The following RSRC1 variants were observed in gnomAD, a reference collection of about 807,000 sequenced individuals.
RSRC1 encodes the protein arginine and serine rich coiled-coil 1, also known as serine/Arginine-related protein 53.
Under a neutral mutation model 49.1 loss-of-function variants are expected in RSRC1, and 39 were observed. The observed-to-expected ratio is 0.79, with a 90% CI of 0.61 to 1.04. The LOEUF (loss-of-function observed/expected upper bound fraction) is 1.04, where lower values mean the gene tolerates loss of function less well. RSRC1 is among the 50% of genes least tolerant of loss of function. The pLI is 0.00. For synonymous variants in RSRC1, 143 were observed against 130.8 expected (o/e 1.09, Z -0.63); for missense variants, 388 against 402.4 (o/e 0.96, Z 0.31).
intron 4 of RSRC1, among the ~76,000 whole-genome samples, chr3:158,218,954 G>A (rs1421245411): frequency 6.6e-6 from 1 of 151,662 alleles, no homozygotes; most frequent in African/African-American, 2.4e-5. Flanking sequence ...TTGGAAGCCA[G>A]ACACACAAAT....
chr3:158,287,600 A>G (rs527306129), intron 4 of RSRC1, among the ~76,000 whole-genome samples: 1 of 152,178 alleles, frequency 6.6e-6, no homozygotes, highest in Admixed American at 6.5e-5. Flanking sequence ...GTTCATCTGT[A>G]TGCAGGATAG....
intron 5 of RSRC1, among the ~76,000 whole-genome samples, chr3:158,313,116 C>T (rs951983647): frequency 2.0e-5 from 3 of 152,072 alleles, no homozygotes; most frequent in Non-Finnish European, 4.4e-5. Flanking sequence ...CCCCTCACCC[C>T]TTGGTTACTA....
rs75358658 is a variant in RSRC1, at chr3:158,111,926, A to G, written c.-3+1703A>G. Reference sequence around the variant, plus strand: ...GAGTTCTCTTTTCTTGAATGACCACATGTTGGCTTTACCTCTTCAATCAGG... The same window carrying G: ...GAGTTCTCTTTTCTTGAATGACCACGTGTTGGCTTTACCTCTTCAATCAGG... On this transcript the variant is annotated intron_variant, in intron 1 of 9. Transcript: ENST00000611884. 1.8e-4 allele frequency among the ~76,000 whole-genome samples: 28 copies of G among 152,292 alleles called. No homozygotes were observed. In the East Asian group the frequency reaches 3.3e-3, roughly 18 times the overall value.
intron 6 of RSRC1, among the ~76,000 whole-genome samples, chr3:158,379,788 A>G (rs1436114962): frequency 2.0e-5 from 3 of 150,414 alleles, no homozygotes; most frequent in African/African-American, 7.4e-5. Flanking sequence ...CCTCCCCCCT[A>G]CACATACATA....
At chr3:158,178,764 G>A (rs1057411203) in intron 3 of RSRC1, among the ~76,000 whole-genome samples, 21 of 152,222 alleles carry the variant, frequency 1.4e-4, no homozygotes, top group African/African-American at 5.1e-4. Context: ...GTTGAGAACG[G>A]CTAGCCAATG....
At chr3:158,337,646 A>C (rs1452715777) in intron 5 of RSRC1, among the ~76,000 whole-genome samples, 3 of 152,070 alleles carry the variant, frequency 2.0e-5, no homozygotes, top group Non-Finnish European at 4.4e-5. Context: ...TTAGCACTGA[A>C]TCTGTCCATG....
intron 4 of RSRC1, among the ~76,000 whole-genome samples, chr3:158,243,644 C>A (rs1489019809): frequency 1.3e-5 from 2 of 152,142 alleles, no homozygotes; most frequent in Non-Finnish European, 2.9e-5. Flanking sequence ...GCAGTATGGC[C>A]ATTTTAACAA....
chr3:158,280,949 A>C (rs565367817), intron 4 of RSRC1, among the ~76,000 whole-genome samples: 1 of 152,156 alleles, frequency 6.6e-6, no homozygotes, highest in East Asian at 1.9e-4. Context: ...GCCTGGCCCA[A>C]AGTGATTCAT....
chr3:158,448,228 GA>G (rs1736828066), intron 6 of RSRC1, among the ~76,000 whole-genome samples: 1 of 150,858 alleles, frequency 6.6e-6, no homozygotes, highest in Non-Finnish European at 1.5e-5. Flanking sequence ...CTGTAAAAAA[GA>G]AAAAACAATC....
intron 3 of RSRC1, among the ~76,000 whole-genome samples, chr3:158,131,541 T>C (rs1716026177): frequency 1.3e-5 from 2 of 152,180 alleles, no homozygotes; most frequent in Admixed American, 6.5e-5. Context: ...GTGGGTAGCA[T>C]TGAGGGATTT....
intron 3 of RSRC1, among the ~76,000 whole-genome samples, chr3:158,194,543 A>G (rs539176329): frequency 1.2e-4 from 18 of 150,112 alleles, no homozygotes; most frequent in African/African-American, 3.7e-4. Flanking sequence ...TATGTGCACA[A>G]CGTGCAGGTT....
chr3:158,414,784 A>G (rs1734654849), intron 6 of RSRC1, among the ~76,000 whole-genome samples: 1 of 152,080 alleles, frequency 6.6e-6, no homozygotes, highest in South Asian at 2.1e-4. Context: ...TTATATAGAA[A>G]CACTCTTACA....
intron 5 of RSRC1, among the ~76,000 whole-genome samples, chr3:158,350,133 T>C (rs1730785697): frequency 6.7e-6 from 1 of 149,426 alleles, no homozygotes; most frequent in African/African-American, 2.5e-5. Flanking sequence ...TGGTTTTTGT[T>C]TGTCTGTTTT....
chr3:158,317,167 A>C (rs1456033738), intron 5 of RSRC1, among the ~76,000 whole-genome samples: 1 of 152,190 alleles, frequency 6.6e-6, no homozygotes, highest in African/African-American at 2.4e-5. Context: ...CTGAAATTGC[A>C]CTGAATTGCT....
intron 4 of RSRC1, among the ~76,000 whole-genome samples, chr3:158,256,215 T>TA (rs1724547660): frequency 6.6e-6 from 1 of 152,162 alleles, no homozygotes; most frequent in Admixed American, 6.5e-5. Context: ...AAATAGCTCT[T>TA]ATTGTTTTGA....
At chr3:158,436,375 T>C (rs1248680163) in intron 6 of RSRC1, among the ~76,000 whole-genome samples, 2 of 151,920 alleles carry the variant, frequency 1.3e-5, no homozygotes, top group East Asian at 3.9e-4. Flanking sequence ...AGAGCTAAAT[T>C]TGTAGTTGTG....
chr3:158,381,483 ATT>A (rs1732693915), intron 6 of RSRC1, among the ~76,000 whole-genome samples: 1 of 152,182 alleles, frequency 6.6e-6, no homozygotes, highest in South Asian at 2.1e-4. Flanking sequence ...GCCATTTATC[ATT>A]GTGTGAACAT....
At chr3:158,151,892 T>C (rs1024402045) in intron 3 of RSRC1, among the ~76,000 whole-genome samples, 14 of 152,270 alleles carry the variant, frequency 9.2e-5, no homozygotes, top group African/African-American at 3.4e-4. Context: ...GTCCTTGGCA[T>C]TATGATTTAA....
chr3:158,333,690 A>G (rs544570282), intron 5 of RSRC1, among the ~76,000 whole-genome samples: 1 of 152,370 alleles, frequency 6.6e-6, no homozygotes, highest in East Asian at 1.9e-4. Context: ...AAAGTAAAGT[A>G]ACTGCATTCA....
Sources: gnomAD v4.1 joint callset for allele counts (sites outside exome capture counted in the v4.1 genomes callset) on GRCh38, gnomAD v4.1.1 for gene constraint, MANE v1.5 for transcripts, NCBI Gene and HGNC (gene_info 2026-07-23, HGNC 2026-07-21) for gene names.